CMTM4: variants seen among roughly 807,000 people sequenced by gnomAD.
CMTM4 encodes CKLF-like MARVEL transmembrane domain-containing protein 4.
In CMTM4, 8 loss-of-function variants were observed where a neutral mutation model predicts 19.0. The observed-to-expected ratio is 0.42, with a 90% CI of 0.25 to 0.76. The LOEUF (loss-of-function observed/expected upper bound fraction) is 0.76. Among genes scored for constraint, CMTM4 ranks in the 30% least tolerant of loss-of-function variants. The pLI, the probability that CMTM4 is intolerant of heterozygous loss-of-function variation, is 0.27. For missense variants in CMTM4, 228 were observed against 290.2 expected, an observed-to-expected ratio of 0.79 and a Z score of 1.56; for synonymous variants, 106 against 121.1, an observed-to-expected ratio of 0.88 and a Z score of 0.82.
rs2017242073 is a variant in CMTM4, at chr16:66,696,582, G to A, written c.-57C>T. On this transcript the variant is annotated 5_prime_UTR_variant, in exon 1 of 4. Coordinates refer to ENST00000394106, the MANE Select transcript of CMTM4 (RefSeq NM_181521.3). This position sits in a 1 kb window ranked among gnomAD's most constrained non-coding sequence, Gnocchi z 4.3. Reference sequence around the variant, plus strand: ...CTGGCTCCCGGCGCCAGGAGCGGGCGGACTCAGCGGGGCCGCCGCATCGCC... The same window carrying A: ...CTGGCTCCCGGCGCCAGGAGCGGGCAGACTCAGCGGGGCCGCCGCATCGCC... The A allele has an allele frequency of 1.3e-5, 14 of 1,059,026 alleles. No homozygotes were observed. Among genetic ancestry groups the A allele is most frequent in the African/African-American group, 1.7e-5 (1 of 58,808 alleles). The allele number at this position is 1,059,026 out of a possible 1,614,324, so 65.6% of individuals were successfully genotyped here.
In CMTM4 at chr16:66,622,142, C is replaced by G; in HGVS notation, c.543G>C (p.Gln181His). 1 of 1,613,154 alleles carries G rather than the reference C, an allele frequency of 6.2e-7. No individual in the cohort carries two copies. Among genetic ancestry groups the G allele is most frequent in the Non-Finnish European group, 8.5e-7 (1 of 1,179,634 alleles). ...AVQKWRVSVR[Q>H]QSTNDYIRAR... is the part of the protein sequence containing the mutation. The stretch of plus-strand genomic sequence containing the variant: ...CTCGGATGTAGTCATTGGTGCTCTG[C>G]TGGCGGACGCTGACTCTCCATTTCT... Residue 181 changes from glutamine (Q) to histidine (H), a missense_variant, in exon 4 of 4, where the codon CAG (glutamine) becomes CAC (histidine). Around this residue, in one of 3 missense-constraint regions of CMTM4, gnomAD observed 200 missense variants for 226.6 expected, o/e 0.88. Transcript: ENST00000394106. The surrounding 1 kb of genome is among the most constrained non-coding windows in gnomAD (Gnocchi z 4.0).
intron 2 of CMTM4, among the ~76,000 whole-genome samples, chr16:66,628,500 G>C (rs1407248629): frequency 6.6e-6 from 1 of 152,184 alleles, no homozygotes; most frequent in African/African-American, 2.4e-5. Flanking sequence ...CATACTGCTT[G>C]TAAACATTTT....
rs2015677833 is a variant in CMTM4 at position 66,623,463 on chromosome 16, T to C, written c.403A>G (p.Ile135Val). The change falls in exon 3 of 4, where the codon ATT becomes GTT. Residue 135 changes from isoleucine to valine, a missense_variant. Ile to Val is a conservative substitution (Grantham distance 29). Around this residue, in one of 3 missense-constraint regions of CMTM4, gnomAD observed 200 missense variants for 226.6 expected, o/e 0.88. Transcript: ENST00000394106. ...AAAGCAGCCAGTACGATTGAAGCAATAAAGAAAAGGAAAGCGCTGAGTCCA... is the reference window on the plus strand; with the variant it reads ...AAAGCAGCCAGTACGATTGAAGCAACAAAGAAAAGGAAAGCGCTGAGTCCA... ...NTGLSAFLFF[I>V]ASIVLAALNH... 6.2e-7 allele frequency: 1 copy of C among 1,613,716 alleles called. No individual in the cohort carries two copies. The highest frequency in any genetic ancestry group is 1.3e-5 in the African/African-American group (1 of 74,862).
chr16:66,652,615 G>A (rs534827961), intron 1 of CMTM4, among the ~76,000 whole-genome samples: 15 of 152,270 alleles, frequency 9.9e-5, no homozygotes, highest in African/African-American at 2.9e-4. Context: ...ATGCTCTAAC[G>A]CATACATTAA....
the CMTM4 span, chr16:66,609,747 C>G: frequency 6.3e-7 from 1 of 1,580,930 alleles, no homozygotes; most frequent in South Asian, 1.1e-5. This position sits in a 1 kb window ranked among gnomAD's most constrained non-coding sequence, Gnocchi z 4.4. Flanking sequence ...TTCCCACTTC[C>G]GTTACTCACA....
chr16:66,687,961 A>T (rs950615424), intron 1 of CMTM4, among the ~76,000 whole-genome samples: 30 of 152,102 alleles, frequency 2.0e-4, no homozygotes, highest in African/African-American at 7.2e-4. Context: ...TGCTGGGATT[A>T]CAGGTGTAAG....
the CMTM4 span, chr16:66,608,209 C>A: frequency 4.4e-6 from 6 of 1,367,328 alleles, no homozygotes; most frequent in African/African-American, 1.4e-5. The surrounding 1 kb of genome is among the most constrained non-coding windows in gnomAD (Gnocchi z 5.1). Flanking sequence ...GCTTCCCCTG[C>A]TGGAACCTCC....
intron 2 of CMTM4, among the ~76,000 whole-genome samples, chr16:66,630,588 C>G (rs2015836494): frequency 6.6e-6 from 1 of 151,934 alleles, no homozygotes. Flanking sequence ...GATCCGCCAG[C>G]CTCGGCCTCC....
In CMTM4 at chr16:66,669,338, G is replaced by A. The variant is rs192737650; in HGVS notation, c.186+27002C>T. Reference sequence around the variant, plus strand: ...GGATGTAACTACAAAGAAAGGGAACGAGGAAGTTTTGTGGGTTGATGAAAC... The same window carrying A: ...GGATGTAACTACAAAGAAAGGGAACAAGGAAGTTTTGTGGGTTGATGAAAC... On this transcript the variant is annotated intron_variant, in intron 1 of 3. Transcript: ENST00000394106. Among the ~76,000 whole-genome samples the A allele has an allele frequency of 5.4e-4, 82 of 152,234 alleles. 1 individual carries two copies. The highest frequency in any genetic ancestry group is 9.1e-4 in the Non-Finnish European group (62 of 68,018).
In CMTM4 at chr16:66,619,541, A is replaced by G; in HGVS notation, c.*2517T>C. On this transcript the variant is annotated 3_prime_UTR_variant, in exon 4 of 4. Transcript: ENST00000394106. ...CAAAAACGCTTCCTTCAATTTGCCA[A>G]GAGGTCATTTTAAGGCCCCCAGATA... 4 of 985,430 alleles carry G rather than the reference A, an allele frequency of 4.1e-6. No homozygotes were observed. The highest frequency in any genetic ancestry group is 4.8e-6 in the Non-Finnish European group (4 of 829,934). 61.0% of individuals were successfully genotyped at this position (985,430 alleles called of 1,614,324 possible). A position where few individuals can be genotyped will look rare whatever the true frequency, so the allele number is the denominator to read the frequency against.
chr16:66,652,815 T>A (rs1025487751), intron 1 of CMTM4, among the ~76,000 whole-genome samples: 3 of 152,230 alleles, frequency 2.0e-5, no homozygotes, highest in Non-Finnish European at 4.4e-5. Flanking sequence ...TAACTGCACA[T>A]GATTTCAGAA....
chr16:66,618,673 C>A lies in CMTM4; in HGVS notation c.*3385G>T. ...CAAAGGTGTTGGAGCTTGGTCTCCT[C>A]AGGCTTAACCCAAGGCTGACTCACT... is the stretch of plus-strand genomic sequence containing the variant. On this transcript the variant is annotated 3_prime_UTR_variant, in exon 4 of 4. Transcript: ENST00000394106. The A allele has an allele frequency of 1.0e-6, 1 of 985,516 alleles. No homozygotes were observed. The highest frequency in any genetic ancestry group is 1.2e-6 in the Non-Finnish European group (1 of 829,964). 61.0% of individuals were successfully genotyped at this position (985,516 alleles called of 1,614,324 possible). A position where few individuals can be genotyped will look rare whatever the true frequency, so the allele number is the denominator to read the frequency against.
At position 66,621,172 on chromosome 16, in the gene CMTM4, G is replaced by A. The variant is rs373286356; in HGVS notation, c.*886C>T. The A allele has an allele frequency of 7.4e-5, 73 of 985,646 alleles. 2 individuals carry two copies. The East Asian group carries it at 1.1e-3, about 15-fold the overall frequency. 61.1% of individuals were successfully genotyped at this position (985,646 alleles called of 1,614,324 possible). A position where few individuals can be genotyped will look rare whatever the true frequency, so the allele number is the denominator to read the frequency against. On this transcript the variant is annotated 3_prime_UTR_variant, in exon 4 of 4. Transcript: ENST00000394106. ...TGTGTGTGTGCATGTGTGCGCGCAC[G>A]CGTGTGCATGCTGTTTTTTAACACA...
intron 1 of CMTM4, among the ~76,000 whole-genome samples, chr16:66,675,036 C>T (rs1008464265): frequency 1.3e-5 from 2 of 151,016 alleles, no homozygotes. Context: ...AGCCACCGCA[C>T]CTGCCTGGTG....
rs770117885 is a variant in CMTM4, at chr16:66,616,364, A to G, written c.*5694T>C. 6.6e-6 allele frequency: 1 copy of G among 152,244 alleles called. No homozygotes were observed. The highest frequency in any genetic ancestry group is 2.4e-5 in the African/African-American group (1 of 41,466). The allele number at this position is 152,244 out of a possible 1,614,324, so 9.4% of individuals were successfully genotyped here. A position where few individuals can be genotyped will look rare whatever the true frequency, so the allele number is the denominator to read the frequency against. On this transcript the variant is annotated 3_prime_UTR_variant, in exon 4 of 4. Transcript: ENST00000394106. ...TTCCTGAACCCCTACAAATTTCAAC[A>G]TATACAAATAGTTTCAATTCCTACC...
At chr16:66,642,923 T>C (rs1277621739) in intron 1 of CMTM4, among the ~76,000 whole-genome samples, 2 of 152,112 alleles carry the variant, frequency 1.3e-5, no homozygotes, top group African/African-American at 4.8e-5. Flanking sequence ...GAAATAGCAA[T>C]TTTTGGTTTT....
the CMTM4 span, chr16:66,605,248 A>T: frequency 7.4e-6 from 2 of 270,114 alleles, no homozygotes; most frequent in Non-Finnish European, 1.4e-5. The surrounding 1 kb of genome is among the most constrained non-coding windows in gnomAD (Gnocchi z 4.6). Context: ...TGTGTGAGCC[A>T]GGCGCCCCCG....
intron 2 of CMTM4, among the ~76,000 whole-genome samples, chr16:66,630,771 G>A (rs1473003326): frequency 2.6e-5 from 4 of 151,780 alleles, no homozygotes; most frequent in Non-Finnish European, 4.4e-5. Context: ...CGTCTGGGAT[G>A]TGAGGAGCCC....
rs570073565 is a variant in CMTM4 at position 66,662,608 on chromosome 16, A to C, written c.187-26027T>G. Among the ~76,000 whole-genome samples, 9 of 152,200 alleles carry C rather than the reference A, an allele frequency of 5.9e-5. No individual in the cohort carries two copies. In the East Asian group the frequency reaches 1.7e-3, roughly 29 times the overall value. ...AGGCTACAGATGTCCACAACAGAGG[A>C]GTCGACTCAGAGGAACCCGAGTTCT... On this transcript the variant is annotated intron_variant, in intron 1 of 3. Coordinates refer to ENST00000394106, the MANE Select transcript of CMTM4 (RefSeq NM_181521.3).
Sources: gnomAD v4.1 joint callset for allele counts (sites outside exome capture counted in the v4.1 genomes callset) on GRCh38, gnomAD v4.1.1 for gene constraint, gnomAD v4.1.1 regional missense constraint, Gnocchi (gnomAD v3.1) non-coding constraint, MANE v1.5 for transcripts, NCBI Gene and HGNC (gene_info 2026-07-23, HGNC 2026-07-21) for gene names.